ITPR2: variants seen among roughly 807,000 people sequenced by gnomAD.
ITPR2 encodes the protein inositol 1,4,5-trisphosphate-gated calcium channel ITPR2.
In ITPR2, 207 loss-of-function variants were observed where a neutral mutation model predicts 317.1. The observed-to-expected ratio is 0.65, with a 90% CI of 0.58 to 0.73. The LOEUF (loss-of-function observed/expected upper bound fraction) is 0.73. ITPR2 is among the 30% of genes least tolerant of loss of function. The pLI is 0.00. For missense variants in ITPR2, 2,613 were observed against 3,284.0 expected (o/e 0.80, Z 4.99); for synonymous variants, 1,156 against 1,149.1 (o/e 1.01, Z -0.12).
intron 55 of ITPR2, among the ~76,000 whole-genome samples, chr12:26,357,908 G>A (rs567748602): frequency 7.9e-4 from 120 of 152,338 alleles, no homozygotes; most frequent in Non-Finnish European, 1.5e-3. Flanking sequence ...CGGCTAGCTC[G>A]GGTTGCTGGG....
Position 26,561,928 on chromosome 12 carries a change from G to A in ITPR2, c.4655C>T (p.Pro1552Leu). ...EVAKNRGIAI[P>L]VDLDSQVNTL... ...ATTAACTTGGCTGTCCAAATCCACT[G>A]GAATGGCAATTCCACGATTTTTTGC... Residue 1552 changes from proline to leucine, a missense_variant, in exon 35 of 57, where the codon CCA becomes CTA. Coordinates refer to ENST00000381340, the MANE Select transcript of ITPR2 (RefSeq NM_002223.4). 1.3e-6 allele frequency: 2 copies of A among 1,517,878 alleles called. No homozygotes were observed. Among genetic ancestry groups the A allele is most frequent in the Non-Finnish European group, 1.8e-6 (2 of 1,141,784 alleles). 94.0% of individuals were successfully genotyped at this position (1,517,878 alleles called of 1,614,324 possible).
chr12:26,475,232 G>A, intron 45 of ITPR2, 64 bp downstream of exon 45: 1 of 1,571,482 alleles, frequency 6.4e-7, no homozygotes, highest in Non-Finnish European at 8.7e-7. Flanking sequence ...AATATGACAA[G>A]CCATGGATAC....
intron 21 of ITPR2, among the ~76,000 whole-genome samples, chr12:26,639,467 A>G (rs1946933378): frequency 6.6e-6 from 1 of 151,806 alleles, no homozygotes; most frequent in Admixed American, 6.6e-5. Context: ...CTATGCCAGC[A>G]TTCTTTTTTT....
intron 45 of ITPR2, among the ~76,000 whole-genome samples, chr12:26,453,900 G>A (rs1436820228): frequency 6.6e-6 from 1 of 152,140 alleles, no homozygotes; most frequent in African/African-American, 2.4e-5. Flanking sequence ...CATCTAGAAT[G>A]TAGTTTCCAG....
chr12:26,562,969 A>G (rs553268817), intron 34 of ITPR2, among the ~76,000 whole-genome samples: 14 of 152,294 alleles, frequency 9.2e-5, no homozygotes, highest in African/African-American at 3.4e-4. Context: ...TATAGCAAAA[A>G]AAAAAGACAA....
intron 2 of ITPR2, among the ~76,000 whole-genome samples, chr12:26,765,655 A>T (rs1185813008): frequency 6.6e-6 from 1 of 152,162 alleles, no homozygotes; most frequent in African/African-American, 2.4e-5. Flanking sequence ...TATATAAGTT[A>T]CATACCATTA....
chr12:26,698,038 G>A (rs1948383147), intron 9 of ITPR2, among the ~76,000 whole-genome samples: 2 of 152,014 alleles, frequency 1.3e-5, no homozygotes, highest in African/African-American at 4.8e-5. Context: ...AAAGAAAATG[G>A]TCACAGACAA....
chr12:26,679,677 C>A (rs1947990699), intron 13 of ITPR2, among the ~76,000 whole-genome samples: 1 of 152,058 alleles, frequency 6.6e-6, no homozygotes, highest in African/African-American at 2.4e-5. Flanking sequence ...GTCTAGTTTT[C>A]TTTTTTATTT....
chr12:26,498,332 C>T (rs563645856), intron 37 of ITPR2, among the ~76,000 whole-genome samples: 145 of 152,126 alleles, frequency 9.5e-4, no homozygotes, highest in Non-Finnish European at 1.9e-3. Context: ...ACATGAAAAT[C>T]GTCCTTACTG....
At chr12:26,432,703 C>T (rs922137401) in intron 48 of ITPR2, among the ~76,000 whole-genome samples, 2 of 151,352 alleles carry the variant, frequency 1.3e-5, no homozygotes, top group South Asian at 2.1e-4. Context: ...GCTTTATCTT[C>T]CCACTATCAA....
At chr12:26,555,584 T>TA (rs1944641174) in intron 36 of ITPR2, among the ~76,000 whole-genome samples, 1 of 152,218 alleles carries the variant, frequency 6.6e-6, no homozygotes, top group Non-Finnish European at 1.5e-5. Flanking sequence ...CACTTATCAT[T>TA]AAGATGAAGA....
intron 54 of ITPR2, among the ~76,000 whole-genome samples, chr12:26,388,881 C>A (rs1939747456): frequency 6.6e-6 from 1 of 152,138 alleles, no homozygotes; most frequent in Non-Finnish European, 1.5e-5. Context: ...TTCCCTAAAC[C>A]TGCTTCACCC....
At chr12:26,788,910 C>T (rs1399886067) in intron 2 of ITPR2, among the ~76,000 whole-genome samples, 2 of 152,188 alleles carry the variant, frequency 1.3e-5, no homozygotes, top group African/African-American at 4.8e-5. Context: ...TCTCTACCCT[C>T]TTATCTTTTG....
chr12:26,564,503 C>T (rs542282987), intron 34 of ITPR2, among the ~76,000 whole-genome samples: 1 of 152,184 alleles, frequency 6.6e-6, no homozygotes, highest in Admixed American at 6.5e-5. Context: ...TTAATCATCA[C>T]TCCCCCTGAA....
At chr12:26,633,085 C>G (rs1253383970) in intron 21 of ITPR2, among the ~76,000 whole-genome samples, 1 of 151,592 alleles carries the variant, frequency 6.6e-6, no homozygotes, top group African/African-American at 2.4e-5. Flanking sequence ...CCCTCAGTGT[C>G]TCAGGGCGTA....
chr12:26,767,603 C>A (rs555101680), intron 2 of ITPR2, among the ~76,000 whole-genome samples: 203 of 152,274 alleles, frequency 1.3e-3, no homozygotes, highest in Non-Finnish European at 2.3e-3. Flanking sequence ...GAGAGACAGA[C>A]AAATTTGCCA....
intron 35 of ITPR2, among the ~76,000 whole-genome samples, chr12:26,558,871 C>A (rs1944736330): frequency 6.6e-6 from 1 of 152,138 alleles, no homozygotes; most frequent in African/African-American, 2.4e-5. Context: ...CTTTAAAATT[C>A]CCCAAATAGA....
chr12:26,826,751 TAC>T (rs939570602), intron 1 of ITPR2, among the ~76,000 whole-genome samples: 7 of 151,474 alleles, frequency 4.6e-5, no homozygotes, highest in Admixed American at 2.0e-4. Context: ...TATACAGATG[TAC>T]ACACACACAC....
In ITPR2 at chr12:26,420,902, A is replaced by G. The variant is rs578023658; in HGVS notation, c.6946-1689T>C. 3.9e-5 allele frequency among the ~76,000 whole-genome samples: 6 copies of G among 152,304 alleles called. No homozygotes were observed. In the East Asian group the frequency reaches 9.6e-4, roughly 24 times the overall value. On this transcript the variant is annotated intron_variant, in intron 49 of 56. Transcript: ENST00000381340. ...AATTATTTAAATTGTTTTGAATGCC[A>G]TTATTTAAATGTGTACTATTTACCT...
Sources: gnomAD v4.1 joint callset for allele counts (sites outside exome capture counted in the v4.1 genomes callset) on GRCh38, gnomAD v4.1.1 for gene constraint, MANE v1.5 for transcripts, NCBI Gene and HGNC (gene_info 2026-07-23, HGNC 2026-07-21) for gene names.